The following GSN variants were observed in gnomAD, a reference collection of about 807,000 sequenced individuals.
The protein encoded by GSN is gelsolin.
In GSN, 56 loss-of-function variants were observed where a neutral mutation model predicts 85.7. The observed-to-expected ratio is 0.65, with a 90% CI of 0.53 to 0.82. GSN has a LOEUF of 0.82. Among genes scored for constraint, GSN ranks in the 40% least tolerant of loss-of-function variants. The pLI, the probability that GSN is intolerant of heterozygous loss-of-function variation, is 0.00. For synonymous variants in GSN, 373 were observed against 399.1 expected, an observed-to-expected ratio of 0.93 and a Z score of 0.78; for missense variants, 857 against 979.8, an observed-to-expected ratio of 0.87 and a Z score of 1.67.
At chr9:121,277,417 C>G (rs1268383849) in intron 1 of GSN, among the ~76,000 whole-genome samples, 1 of 152,178 alleles carries the variant, frequency 6.6e-6, no homozygotes, top group African/African-American at 2.4e-5. Context: ...GCTGATGTAG[C>G]TGGTCCAGGG....
intron 16 of GSN, 141 bp from the exon 17 acceptor site, chr9:121,331,247 C>G: frequency 1.5e-6 from 1 of 660,974 alleles, no homozygotes. Context: ...TGTTCCAAAT[C>G]CTTCCAGTCT....
At chr9:121,294,254 T>C (rs73536883) in intron 2 of GSN, among the ~76,000 whole-genome samples, 2,362 of 152,244 alleles carry the variant, frequency 0.016, 70 homozygotes, top group African/African-American at 0.052. Flanking sequence ...CCTCCCTGTC[T>C]TGTTGTGGAT....
intron 3 of GSN, among the ~76,000 whole-genome samples, chr9:121,302,409 G>A (rs895975525): frequency 1.3e-5 from 2 of 152,146 alleles, no homozygotes; most frequent in African/African-American, 4.8e-5. Flanking sequence ...TGGACATGAT[G>A]ATAGCTCTGC....
At chr9:121,215,801 AAATT>A (rs1395397366) in intron 4 of GSN, among the ~76,000 whole-genome samples, 1 of 152,126 alleles carries the variant, frequency 6.6e-6, no homozygotes, top group African/African-American at 2.4e-5. Context: ...ATTTATTGGA[AAATT>A]AATTATAATG....
chr9:121,302,458 C>A (rs1307954700), intron 3 of GSN, among the ~76,000 whole-genome samples: 1 of 152,186 alleles, frequency 6.6e-6, no homozygotes, highest in Non-Finnish European at 1.5e-5. Context: ...AAACACCTTA[C>A]TGTGACACTC....
intron 4 of GSN, among the ~76,000 whole-genome samples, chr9:121,226,910 A>T (rs1487115761): frequency 1.3e-5 from 2 of 152,212 alleles, no homozygotes; most frequent in Non-Finnish European, 2.9e-5. Context: ...TACGTGATGA[A>T]GGCTCTATAA....
chr9:121,331,571 G>A, intron 17 of GSN, 123 bp downstream of exon 17: 1 of 671,972 alleles, frequency 1.5e-6, no homozygotes, highest in East Asian at 2.7e-5. Flanking sequence ...AGATAGGGTG[G>A]GGACTTCCTC....
intron 5 of GSN, among the ~76,000 whole-genome samples, chr9:121,245,518 A>G (rs1258050623): frequency 6.6e-6 from 1 of 152,100 alleles, no homozygotes; most frequent in Non-Finnish European, 1.5e-5. Flanking sequence ...CACCATGCCC[A>G]GTTAATTTTT....
At chr9:121,311,894 G>C (rs930556896) in intron 5 of GSN, 2 of 170,042 alleles carry the variant, frequency 1.2e-5, no homozygotes, top group Non-Finnish European at 2.5e-5. Context: ...GGCTATTACA[G>C]ACAGTGCTAC....
intron 11 of GSN, among the ~76,000 whole-genome samples, 178 bp downstream of exon 11, chr9:121,321,579 C>T (rs572389632): frequency 6.6e-6 from 1 of 152,336 alleles, no homozygotes; most frequent in South Asian, 2.1e-4. Flanking sequence ...TGAAACTCTT[C>T]TTACCAAATG....
rs552967693 is a variant in GSN at position 121,299,234 on chromosome 9, C to T, written c.-9-2729C>T. 26 of 897,828 alleles carry T rather than the reference C, an allele frequency of 2.9e-5. No individual in the cohort carries two copies. The Admixed American group carries it at 1.5e-3, about 53-fold the overall frequency. The allele number at this position is 897,828 out of a possible 1,614,324, so 55.6% of individuals were successfully genotyped here. A position where few individuals can be genotyped will look rare whatever the true frequency, so the allele number is the denominator to read the frequency against. On this transcript the variant is annotated intron_variant, in intron 2 of 17. Coordinates refer to ENST00000432226, the MANE Select transcript of GSN (RefSeq NM_198252.3). This position sits in a 1 kb window ranked among gnomAD's most constrained non-coding sequence, Gnocchi z 4.2. Reference sequence around the variant, plus strand: ...CTATCCCAGGAGCTGAGCGTTCTGCCCCGCCCCTCTGAGTCCTGCCGGCTT... The same window carrying T: ...CTATCCCAGGAGCTGAGCGTTCTGCTCCGCCCCTCTGAGTCCTGCCGGCTT...
upstream of GSN, among the ~76,000 whole-genome samples, chr9:121,264,335 C>T (rs1252159895): frequency 3.9e-5 from 6 of 152,098 alleles, no homozygotes; most frequent in South Asian, 2.1e-4. Flanking sequence ...TACCTGTGGT[C>T]CCACCTACTT....
chr9:121,299,700 T>C lies in GSN; in HGVS notation c.-9-2263T>C, dbSNP rs1588921667. 1 of 907,906 alleles carries C rather than the reference T, an allele frequency of 1.1e-6. No homozygotes were observed. The highest frequency in any genetic ancestry group is 4.9e-5 in the South Asian group (1 of 20,536). 56.2% of individuals were successfully genotyped at this position (907,906 alleles called of 1,614,324 possible). The stretch of plus-strand genomic sequence containing the variant: ...GGGCTGCCGCGCCCTGTCGGGTCGA[T>C]CCGGGTGGGAACCCAGATGTCTCCA... On this transcript the variant is annotated intron_variant, in intron 2 of 17. Coordinates refer to ENST00000432226, the MANE Select transcript of GSN (RefSeq NM_198252.3). This position sits in a 1 kb window ranked among gnomAD's most constrained non-coding sequence, Gnocchi z 4.2.
At chr9:121,236,699 A>G (rs1437883035) in intron 5 of GSN, among the ~76,000 whole-genome samples, 2 of 152,342 alleles carry the variant, frequency 1.3e-5, no homozygotes, top group African/African-American at 4.8e-5. Flanking sequence ...CAAACAGTCA[A>G]TAAGGCACAA....
chr9:121,244,050 T>TCC (rs2054654675), intron 5 of GSN, among the ~76,000 whole-genome samples: 1 of 152,228 alleles, frequency 6.6e-6, no homozygotes, highest in South Asian at 2.1e-4. Flanking sequence ...CTGTTCTCTG[T>TCC]CCCTGTAATA....
At chr9:121,258,830 G>T (rs1036793904) in intron 6 of GSN, among the ~76,000 whole-genome samples, 1 of 152,090 alleles carries the variant, frequency 6.6e-6, no homozygotes, top group African/African-American at 2.4e-5. Context: ...CTTCAGAAAG[G>T]TTACTTGGAA....
chr9:121,215,416 C>T lies in GSN; in HGVS notation c.-528+4549C>T, dbSNP rs190945603. On this transcript the variant is annotated intron_variant, in intron 4 of 24. Coordinates refer to the GSN transcript ENST00000373823. ...ATCTCTAAAACACCTGAAAATTGGCCGGATTGGTGGCTCACACTTATAATC... is the reference window on the plus strand; with the variant it reads ...ATCTCTAAAACACCTGAAAATTGGCTGGATTGGTGGCTCACACTTATAATC... 4.9e-3 allele frequency among the ~76,000 whole-genome samples: 740 copies of T among 152,080 alleles called. 6 individuals carry two copies. Among genetic ancestry groups the T allele is most frequent in the African/African-American group, 0.016 (674 of 41,466 alleles).
At chr9:121,210,512 A>G (rs1220439669) in intron 3 of GSN, among the ~76,000 whole-genome samples, 1 of 152,216 alleles carries the variant, frequency 6.6e-6, no homozygotes, top group Non-Finnish European at 1.5e-5. Flanking sequence ...ACTCCCCAAG[A>G]GCCAGAGAGA....
chr9:121,317,396 T>A, intron 8 of GSN, 178 bp downstream of exon 8: 1 of 686,008 alleles, frequency 1.5e-6, no homozygotes, highest in Non-Finnish European at 2.6e-6. Context: ...TTGGGCACTT[T>A]ACTTACCCTT....
Sources: allele counts gnomAD v4.1 joint callset (sites outside exome capture counted in the v4.1 genomes callset), GRCh38; gene constraint gnomAD v4.1.1; non-coding constraint Gnocchi (gnomAD v3.1); transcripts MANE v1.5; gene names NCBI Gene and HGNC (gene_info 2026-07-23, HGNC 2026-07-21).